E2F6: variants seen among roughly 807,000 people sequenced by gnomAD.
E2F6 encodes the protein transcription factor E2F6.
E2F6 carries 19 observed loss-of-function variants against 31.5 expected under a neutral mutation model. The observed-to-expected ratio is 0.60, with a 90% CI of 0.42 to 0.89. The LOEUF is 0.89. Ranked by LOEUF, E2F6 falls within the 40% of genes least tolerant of loss-of-function variation. The pLI is 0.00. For missense variants in E2F6, 269 were observed against 341.6 expected, an observed-to-expected ratio of 0.79 and a Z score of 1.67; for synonymous variants, 121 against 127.7, an observed-to-expected ratio of 0.95 and a Z score of 0.36.
chr2:11,459,907 G>C (rs915835219), intron 1 of E2F6, among the ~76,000 whole-genome samples: 1 of 152,080 alleles, frequency 6.6e-6, no homozygotes, highest in African/African-American at 2.4e-5. Flanking sequence ...ATGATAAATA[G>C]GCAGATTGTT....
At chr2:11,455,520 A>G (rs764252302) in intron 2 of E2F6, 162 of 1,240,170 alleles carry the variant, frequency 1.3e-4, no homozygotes, top group Non-Finnish European at 1.7e-4. Context: ...AGGATTTTTA[A>G]TCGGAAGTAG....
At chr2:11,458,923 A>G (rs891664391) in intron 1 of E2F6, among the ~76,000 whole-genome samples, 2 of 152,192 alleles carry the variant, frequency 1.3e-5, no homozygotes, top group Non-Finnish European at 2.9e-5. Flanking sequence ...AGCTCTCTCA[A>G]ACAGTGCTGA....
chr2:11,462,124 T>C (rs1193589268), intron 1 of E2F6, among the ~76,000 whole-genome samples: 2 of 152,216 alleles, frequency 1.3e-5, no homozygotes, highest in Non-Finnish European at 2.9e-5. Context: ...ATCTTTAATA[T>C]TCTGTTTCCC....
intron 5 of E2F6, among the ~76,000 whole-genome samples, chr2:11,448,153 T>C (rs150588612): frequency 1.4e-4 from 21 of 152,328 alleles, no homozygotes; most frequent in Middle Eastern, 3.4e-3. Context: ...GAAGGGCCAT[T>C]CTTTTGTCCA....
At position 11,446,678 on chromosome 2, in the gene E2F6, G is replaced by A. The variant is rs181675239; in HGVS notation, c.800-155C>T. ...CGTATTCTCAGGTTAATGGCATAAG[G>A]CTAATTTTTTCAGCCTCTCAAGAAT... On this transcript the variant is annotated intron_variant, in intron 6 of 6. Transcript: ENST00000381525. Among the ~76,000 whole-genome samples the A allele has an allele frequency of 3.3e-4, 50 of 152,288 alleles. 1 individual carries two copies. The East Asian group carries it at 9.5e-3, about 29-fold the overall frequency.
At chr2:11,447,834 C>A (rs1670819219) in intron 5 of E2F6, 60 bp from the exon 6 acceptor site, 2 of 1,555,486 alleles carry the variant, frequency 1.3e-6, no homozygotes, top group African/African-American at 1.4e-5. Context: ...TTTTTTCACT[C>A]ACTAGAACTG....
In E2F6 at chr2:11,466,099, A is replaced by C; in HGVS notation, c.-220T>G. 1 of 500,728 alleles carries C rather than the reference A, an allele frequency of 2.0e-6. No homozygotes were observed. The highest frequency in any genetic ancestry group is 3.5e-6 in the Non-Finnish European group (1 of 286,510). 31.0% of individuals were successfully genotyped at this position (500,728 alleles called of 1,614,324 possible). A position where few individuals can be genotyped will look rare whatever the true frequency, so the allele number is the denominator to read the frequency against. On this transcript the variant is annotated 5_prime_UTR_variant, in exon 1 of 7. Transcript: ENST00000381525. ...GAGCTCCCGACGCAGACGGAAAAAG[A>C]GGAGGGAGACCCGCGGATCTCAAGT... is the stretch of plus-strand genomic sequence containing the variant.
At chr2:11,455,453 C>G in intron 2 of E2F6, 1 of 1,295,604 alleles carries the variant, frequency 7.7e-7, no homozygotes, top group Non-Finnish European at 1.0e-6. Context: ...TAAATGTCTT[C>G]TCTCTGGAGC....
At chr2:11,454,214 T>C (rs1026363677) in intron 2 of E2F6, among the ~76,000 whole-genome samples, 4 of 152,216 alleles carry the variant, frequency 2.6e-5, no homozygotes, top group Non-Finnish European at 5.9e-5. Flanking sequence ...AGGCAGAGAA[T>C]TGGCGGCTTT....
chr2:11,446,747 T>C (rs538499371), intron 6 of E2F6, among the ~76,000 whole-genome samples: 1 of 152,324 alleles, frequency 6.6e-6, no homozygotes, highest in Admixed American at 6.5e-5. Flanking sequence ...CGTCCGAGAA[T>C]GGAGGAAACC....
rs1190610356 is a variant in E2F6, at chr2:11,444,950, G to C, written c.*1527C>G. ...GGCTAATTTCAAATAATAAAACAGA[G>C]GGAGGAAAAGCATTGAGGCTAACCG... On this transcript the variant is annotated 3_prime_UTR_variant, in exon 7 of 7. Coordinates refer to ENST00000381525, the MANE Select transcript of E2F6 (RefSeq NM_198256.4). 6.6e-6 allele frequency: 1 copy of C among 152,194 alleles called. No homozygotes were observed. Among genetic ancestry groups the C allele is most frequent in the African/African-American group, 2.4e-5 (1 of 41,420 alleles). 9.4% of individuals were successfully genotyped at this position (152,194 alleles called of 1,614,324 possible).
At chr2:11,453,352 C>T (rs1274666969) in intron 3 of E2F6, among the ~76,000 whole-genome samples, 1 of 152,176 alleles carries the variant, frequency 6.6e-6, no homozygotes, top group Non-Finnish European at 1.5e-5. Context: ...TGTTTTACAA[C>T]CTTAACAAAT....
chr2:11,464,261 T>G (rs1032221314), intron 1 of E2F6, among the ~76,000 whole-genome samples: 2 of 151,940 alleles, frequency 1.3e-5, no homozygotes, highest in Admixed American at 6.6e-5. Flanking sequence ...AGTTTAGCTG[T>G]GAAAGCACTT....
chr2:11,449,896 C>T (rs549176304), intron 5 of E2F6, 116 bp downstream of exon 5: 6 of 671,598 alleles, frequency 8.9e-6, no homozygotes, highest in East Asian at 2.8e-5. Context: ...TGAGCAGTAT[C>T]GGATGTACAG....
intron 2 of E2F6, chr2:11,455,593 C>A: frequency 1.8e-6 from 1 of 569,106 alleles, no homozygotes; most frequent in South Asian, 1.9e-5. Context: ...CTTTAAAAAG[C>A]ATATATTTAA....
In E2F6 at chr2:11,453,710, C is replaced by T. The variant is rs376669932; in HGVS notation, c.252G>A (p.Gly84=). The T allele has an allele frequency of 8.7e-6, 14 of 1,613,982 alleles. No individual in the cohort carries two copies. Among genetic ancestry groups the T allele is most frequent in the Non-Finnish European group, 1.0e-5 (12 of 1,180,042 alleles). The change falls in exon 3 of 7, where the codon GGG becomes GGA. Residue 84 remains glycine, a synonymous_variant. Coordinates refer to ENST00000381525, the MANE Select transcript of E2F6 (RefSeq NM_198256.4). ...CAACCTTGTTTAAGTCAAGAATACCCCCGGGAGCAGATCTGACAAGATCCA... is the reference window on the plus strand; with the variant it reads ...CAACCTTGTTTAAGTCAAGAATACCTCCGGGAGCAGATCTGACAAGATCCA... ...KFMDLVRSAP[G]GILDLNKVAT... is the part of the protein sequence containing the mutation.
At chr2:11,460,593 A>C (rs1671714343) in intron 1 of E2F6, among the ~76,000 whole-genome samples, 1 of 152,168 alleles carries the variant, frequency 6.6e-6, no homozygotes, top group African/African-American at 2.4e-5. Context: ...AATTTCCCTA[A>C]TAAATTCCCT....
Position 11,457,231 on chromosome 2 carries a change from T to C in E2F6, c.111A>G (p.Pro37=), listed in dbSNP as rs575185932. 25 of 1,536,836 alleles carry C rather than the reference T, an allele frequency of 1.6e-5. No homozygotes were observed. In the East Asian group the frequency reaches 5.4e-4, roughly 33 times the overall value. The change falls in exon 2 of 7, where the codon CCA becomes CCG. Residue 37 remains proline, a splice_region_variant and synonymous_variant. Transcript: ENST00000381525. ...RDPINVEGLL[P]SKIRINLEDN... is the part of the protein sequence containing the mutation. ...CTTCTAAATTAATCCTTATTTTTGATGGCTGAAAAAAAAGATAAAAAATTT... is the reference window on the plus strand; with the variant it reads ...CTTCTAAATTAATCCTTATTTTTGACGGCTGAAAAAAAAGATAAAAAATTT...
At chr2:11,463,558 C>T (rs1001661357) in intron 1 of E2F6, among the ~76,000 whole-genome samples, 20 of 152,134 alleles carry the variant, frequency 1.3e-4, no homozygotes, top group African/African-American at 3.1e-4. Flanking sequence ...ATCCCTGAGT[C>T]GTTCAATGAT....
Sources: allele counts gnomAD v4.1 joint callset (sites outside exome capture counted in the v4.1 genomes callset), GRCh38; gene constraint gnomAD v4.1.1; transcripts MANE v1.5; gene names NCBI Gene and HGNC (gene_info 2026-07-23, HGNC 2026-07-21).